Variants in NR1H4 observed in about 807,000 individuals in gnomAD.
NR1H4 encodes nuclear receptor subfamily 1 group H member 4.
A neutral mutation model predicts 58.5 loss-of-function variants in NR1H4; 23 were observed. The observed-to-expected ratio is 0.39, with a 90% CI of 0.28 to 0.56. The LOEUF (loss-of-function observed/expected upper bound fraction) is 0.56. Among genes scored for constraint, NR1H4 ranks in the 20% least tolerant of loss-of-function variants. NR1H4 has a pLI of 0.58. For missense variants in NR1H4, 487 were observed against 576.9 expected (o/e 0.84, Z 1.60); for synonymous variants, 214 against 198.0 (o/e 1.08, Z -0.68).
Position 100,510,893 on chromosome 12 carries a change from C to T in NR1H4, c.195C>T (p.Ser65=). The change falls in exon 4 of 11, where the codon TCC becomes TCT. Residue 65 remains serine, a synonymous_variant. Coordinates refer to ENST00000392986, the MANE Select transcript of NR1H4 (RefSeq NM_001206979.2). Reference sequence around the variant, plus strand: ...TTCAACCACAGATTTCCTCGTCATCCTATTATTCCAACCTGGGTTTCTACC... The same window carrying T: ...TTCAACCACAGATTTCCTCGTCATCTTATTATTCCAACCTGGGTTTCTACC... ...PQVQPQISSS[S]YYSNLGFYPQ... The T allele has an allele frequency of 6.2e-7, 1 of 1,614,170 alleles. No individual in the cohort carries two copies. Among genetic ancestry groups the T allele is most frequent in the Non-Finnish European group, 8.5e-7 (1 of 1,180,036 alleles).
chr12:100,540,502 A>G (rs1330470158), intron 8 of NR1H4, among the ~76,000 whole-genome samples, 170 bp from the exon 9 acceptor site: 1 of 152,208 alleles, frequency 6.6e-6, no homozygotes, highest in East Asian at 1.9e-4. Context: ...ATTCTGCTCA[A>G]TGAAGATAAA....
chr12:100,497,537 A>G (rs1953742204), intron 3 of NR1H4, among the ~76,000 whole-genome samples: 1 of 152,208 alleles, frequency 6.6e-6, no homozygotes, highest in African/African-American at 2.4e-5. Context: ...TTCTGTTGCC[A>G]GACATCCCTG....
intron 3 of NR1H4, chr12:100,503,646 G>T: frequency 1.3e-6 from 1 of 747,094 alleles, no homozygotes; most frequent in South Asian, 3.0e-5. Flanking sequence ...AGTTTGGGTT[G>T]GGGTGATTTT....
intron 1 of NR1H4, among the ~76,000 whole-genome samples, chr12:100,491,968 T>A (rs1359131183): frequency 6.6e-6 from 1 of 152,216 alleles, no homozygotes; most frequent in Non-Finnish European, 1.5e-5. Flanking sequence ...TTTGCCTTCA[T>A]AAACAGCTTT....
At chr12:100,498,166 G>T (rs1034368910) in intron 3 of NR1H4, among the ~76,000 whole-genome samples, 1 of 152,220 alleles carries the variant, frequency 6.6e-6, no homozygotes, top group Non-Finnish European at 1.5e-5. Context: ...GTGGGAAAGC[G>T]CTCTGTAAGC....
intron 4 of NR1H4, among the ~76,000 whole-genome samples, chr12:100,518,280 A>C (rs1439348623): frequency 6.6e-6 from 1 of 152,238 alleles, no homozygotes; most frequent in Non-Finnish European, 1.5e-5. Flanking sequence ...AGAGAAGCCC[A>C]CAAAGGATAT....
chr12:100,524,999 C>A (rs1320126070), intron 4 of NR1H4, among the ~76,000 whole-genome samples: 2 of 152,142 alleles, frequency 1.3e-5, no homozygotes, highest in African/African-American at 2.4e-5. Flanking sequence ...TGGCTCTTGG[C>A]AGCCTTTTAA....
chr12:100,488,938 T>C, intron 1 of NR1H4, among the ~76,000 whole-genome samples: 1 of 152,174 alleles, frequency 6.6e-6, no homozygotes. Context: ...GTTAAAATTC[T>C]CAACCTATAA....
At chr12:100,560,054 A>G (rs934055215) in intron 9 of NR1H4, among the ~76,000 whole-genome samples, 1 of 151,562 alleles carries the variant, frequency 6.6e-6, no homozygotes, top group Non-Finnish European at 1.5e-5. Context: ...AGGTTTGTGA[A>G]TGCACCAATC....
intron 1 of NR1H4, among the ~76,000 whole-genome samples, chr12:100,487,466 C>A (rs924409083): frequency 2.0e-5 from 3 of 152,016 alleles, no homozygotes; most frequent in Non-Finnish European, 4.4e-5. Flanking sequence ...CTAATCTATC[C>A]TGCATCCACC....
intron 3 of NR1H4, among the ~76,000 whole-genome samples, chr12:100,499,588 G>C (rs1471774717): frequency 2.6e-5 from 4 of 152,182 alleles, no homozygotes; most frequent in African/African-American, 9.7e-5. Context: ...TGCAGAGTTT[G>C]GAAAAGGTGT....
At chr12:100,508,367 C>T (rs2136148033) in intron 3 of NR1H4, among the ~76,000 whole-genome samples, 1 of 152,074 alleles carries the variant, frequency 6.6e-6, no homozygotes, top group East Asian at 1.9e-4. Flanking sequence ...AGCTTGCAGG[C>T]CCAGTTATAG....
chr12:100,506,782 A>G (rs1953976472), intron 3 of NR1H4, among the ~76,000 whole-genome samples: 2 of 152,234 alleles, frequency 1.3e-5, no homozygotes, highest in African/African-American at 2.4e-5. Context: ...TGCTGGGATT[A>G]CAGGCATTAG....
intron 4 of NR1H4, among the ~76,000 whole-genome samples, chr12:100,529,966 A>G (rs909840156): frequency 1.1e-4 from 16 of 152,186 alleles, no homozygotes; most frequent in African/African-American, 3.6e-4. Context: ...TTACAAGCAT[A>G]TGGTGTGGAC....
At chr12:100,483,675 C>G (rs191730887) in intron 1 of NR1H4, among the ~76,000 whole-genome samples, 46 of 152,232 alleles carry the variant, frequency 3.0e-4, no homozygotes, top group Admixed American at 2.6e-3. Context: ...GAGCTCTTTT[C>G]TCTTTTTCCT....
chr12:100,540,541 G>T, intron 8 of NR1H4, 131 bp from the exon 9 acceptor site: 1 of 921,966 alleles, frequency 1.1e-6, no homozygotes, highest in East Asian at 2.4e-5. Context: ...GAGTACAAAT[G>T]GACTCAACTA....
At chr12:100,519,401 T>C (rs1215415460) in intron 4 of NR1H4, among the ~76,000 whole-genome samples, 1 of 152,076 alleles carries the variant, frequency 6.6e-6, no homozygotes, top group Non-Finnish European at 1.5e-5. Flanking sequence ...GTGCCACAGC[T>C]GTTGACACAG....
At chr12:100,521,190 T>A (rs1217325352) in intron 4 of NR1H4, among the ~76,000 whole-genome samples, 1 of 152,054 alleles carries the variant, frequency 6.6e-6, no homozygotes, top group East Asian at 1.9e-4. Context: ...ATTACATTGG[T>A]CTCTTTTTCT....
chr12:100,524,441 T>G (rs906529285), intron 4 of NR1H4, among the ~76,000 whole-genome samples: 6 of 152,148 alleles, frequency 3.9e-5, no homozygotes, highest in African/African-American at 1.2e-4. Context: ...CACTAGCTTC[T>G]GGGGGTTTGC....
Sources: gnomAD v4.1 joint callset for allele counts (sites outside exome capture counted in the v4.1 genomes callset) on GRCh38, gnomAD v4.1.1 for gene constraint, MANE v1.5 for transcripts, NCBI Gene and HGNC (gene_info 2026-07-23, HGNC 2026-07-21) for gene names.